Variants in CPSF1 observed in about 807,000 individuals in gnomAD.
CPSF1 encodes the protein cleavage and polyadenylation specific factor 1.
Under a neutral mutation model 175.8 loss-of-function variants are expected in CPSF1, and 106 were observed. The observed-to-expected ratio is 0.60, with a 90% CI of 0.52 to 0.71. CPSF1 has a LOEUF of 0.71. Among genes scored for constraint, CPSF1 ranks in the 30% least tolerant of loss-of-function variants. The pLI, the probability that CPSF1 is intolerant of heterozygous loss-of-function variation, is 0.00. For missense variants in CPSF1, 1,734 were observed against 2,022.9 expected (o/e 0.86, Z 2.74); for synonymous variants, 1,024 against 858.3 (o/e 1.19, Z -3.37).
chr8:144,394,571 A>T lies in CPSF1; in HGVS notation c.3568-16T>A. On this transcript the variant is annotated splice_polypyrimidine_tract_variant and intron_variant, in intron 31 of 37. Coordinates refer to ENST00000616140, the MANE Select transcript of CPSF1 (RefSeq NM_013291.3). ...ACAGGAAAATCTGGGGGCGAGGGCG[A>T]GGGTGAGCGGGCGCGGACGGGGAGC... 6.2e-7 allele frequency: 1 copy of T among 1,606,708 alleles called. No individual in the cohort carries two copies. The highest frequency in any genetic ancestry group is 8.5e-7 in the Non-Finnish European group (1 of 1,177,020).
chr8:144,397,431 G>C lies in CPSF1; in HGVS notation c.2386-18C>G. The C allele has an allele frequency of 2.5e-6, 4 of 1,578,068 alleles. No homozygotes were observed. The highest frequency in any genetic ancestry group is 3.4e-6 in the Non-Finnish European group (4 of 1,161,642). The stretch of plus-strand genomic sequence containing the variant: ...TGGTAGATCTGCAGGGTGGGCAGCA[G>C]TCAGTGGAGGCAGGTGGGTGGAACC... On this transcript the variant is annotated intron_variant, in intron 22 of 37. Coordinates refer to ENST00000616140, the MANE Select transcript of CPSF1 (RefSeq NM_013291.3).
chr8:144,403,981 G>A (rs2116896588), intron 2 of CPSF1, among the ~76,000 whole-genome samples: 4 of 151,752 alleles, frequency 2.6e-5, no homozygotes, highest in South Asian at 2.1e-4. Context: ...TTGGGAGGCC[G>A]AGGTGGGTGG....
rs1554863058 is a variant in CPSF1 at position 144,394,871 on chromosome 8, T to C, written c.3414+11A>G. 2 of 1,611,866 alleles carry C rather than the reference T, an allele frequency of 1.2e-6. No homozygotes were observed. The highest frequency in any genetic ancestry group is 1.7e-5 in the Admixed American group (1 of 59,946). On this transcript the variant is annotated intron_variant, in intron 30 of 37. Transcript: ENST00000616140. ...GCTGCCAGTTCCCGCCCCCGCTCAC[T>C]GGCCCCTTACCCGCCCTCGGCACGT...
rs1820866285 is a variant in CPSF1 at position 144,397,800 on chromosome 8, C to CG, written c.2152dup (p.Arg718ProfsTer2). On this transcript the variant is annotated frameshift_variant, in exon 21 of 38. Coordinates refer to ENST00000616140, the MANE Select transcript of CPSF1 (RefSeq NM_013291.3). LOFTEE classifies it high-confidence loss of function. ...GCCACTGCGGCCCCCGAGCTCGTCA[C>CG]GGGCCCCACCCAGGCGGCTCTCAGT... 1.2e-5 allele frequency: 19 copies of CG among 1,610,882 alleles called. No homozygotes were observed. The highest frequency in any genetic ancestry group is 1.6e-5 in the Non-Finnish European group (19 of 1,179,178).
At position 144,400,014 on chromosome 8, in the gene CPSF1, T is replaced by C. The variant is rs1364370912; in HGVS notation, c.1009A>G (p.Ile337Val). 1.1e-5 allele frequency: 18 copies of C among 1,611,810 alleles called. No homozygotes were observed. The highest frequency in any genetic ancestry group is 1.5e-5 in the Non-Finnish European group (18 of 1,179,808). The stretch of plus-strand genomic sequence containing the variant: ...CACATCTCGCCGCCCTTGAGGGAGA[T>C]GACCATCTTGTCGTAGGAGATGAAG... The part of the protein sequence containing the change: ...ATFISYDKMV[I>V]SLKGGEIYVL... Residue 337 changes from isoleucine to valine, a missense_variant, in exon 10 of 38, where the codon ATC (isoleucine) becomes GTC (valine). This residue lies in a region of CPSF1 where 162 missense variants were observed against 169.5 expected (regional missense o/e 0.96). Coordinates refer to ENST00000616140, the MANE Select transcript of CPSF1 (RefSeq NM_013291.3).
intron 2 of CPSF1, among the ~76,000 whole-genome samples, chr8:144,408,175 T>C (rs1401873254): frequency 6.6e-6 from 1 of 152,134 alleles, no homozygotes; most frequent in African/African-American, 2.4e-5. Context: ...AGAATAGTCC[T>C]GACCACGGCC....
In CPSF1 at chr8:144,399,573, GC is replaced by G. The variant is rs2116864247; in HGVS notation, c.1242+14del. ...CACATGAAGGGTGGTGGCCCAATGG[GC>G]CCAGGAAACCCACCTTGTCGGCAGC... is the stretch of plus-strand genomic sequence containing the variant. On this transcript the variant is annotated intron_variant, in intron 12 of 37. Coordinates refer to ENST00000616140, the MANE Select transcript of CPSF1 (RefSeq NM_013291.3). The surrounding 1 kb of genome is among the most constrained non-coding windows in gnomAD (Gnocchi z 6.4). 1 of 1,610,762 alleles carries G rather than the reference GC, an allele frequency of 6.2e-7. No individual in the cohort carries two copies. Among genetic ancestry groups the G allele is most frequent in the Non-Finnish European group, 8.5e-7 (1 of 1,178,680 alleles).
chr8:144,399,448 T>G lies in CPSF1; in HGVS notation c.1294+4A>C. 6.2e-7 allele frequency: 1 copy of G among 1,612,876 alleles called. No individual in the cohort carries two copies. The highest frequency in any genetic ancestry group is 8.5e-7 in the Non-Finnish European group (1 of 1,179,928). ...CTCCTGACCAGCCCTGGACCGGCCC[T>G]CACCTGACCAGCCGGCCGTCGCATC... On this transcript the variant is annotated splice_donor_region_variant and intron_variant, in intron 13 of 37. Coordinates refer to ENST00000616140, the MANE Select transcript of CPSF1 (RefSeq NM_013291.3). The surrounding 1 kb of genome is among the most constrained non-coding windows in gnomAD (Gnocchi z 6.4).
In CPSF1 at chr8:144,398,560, C is replaced by T. The variant is rs2116852216; in HGVS notation, c.1717G>A (p.Gly573Arg). 18 of 1,613,794 alleles carry T rather than the reference C, an allele frequency of 1.1e-5. No individual in the cohort carries two copies. Among genetic ancestry groups the T allele is most frequent in the African/African-American group, 2.7e-5 (2 of 74,910 alleles). ...TCTTCCCGGCTCAGAATCAGGAATC[C>T]GTGTCTGCGGCCGTCGTCGTCTGCT... ...PEADDDGRRH[G>R]FLILSREDST... The change falls in exon 18 of 38, where the codon GGA (glycine) becomes AGA (arginine). Residue 573 changes from glycine to arginine, a missense_variant. This residue lies in a region of CPSF1 where 280 missense variants were observed against 349.2 expected (regional missense o/e 0.80). Coordinates refer to ENST00000616140, the MANE Select transcript of CPSF1 (RefSeq NM_013291.3).
Position 144,398,302 on chromosome 8 carries a change from C to G in CPSF1, c.1894G>C (p.Val632Leu). The part of the protein sequence containing the change: ...SPLGIRLLEG[V>L]NQLHFIPVDL... ...GGGCCCAACCACCCCCCCCACCTACCTCCTTCCAGCAGGCGGATGCCCAGT... is the reference window on the plus strand; with the variant it reads ...GGGCCCAACCACCCCCCCCACCTACGTCCTTCCAGCAGGCGGATGCCCAGT... Residue 632 changes from valine to leucine, a missense_variant and splice_region_variant, in exon 19 of 38, where the codon GTG becomes CTG. Val to Leu is a conservative substitution (Grantham distance 32). Around this residue, in one of 10 missense-constraint regions of CPSF1, gnomAD observed 280 missense variants for 349.2 expected, o/e 0.80. Transcript: ENST00000616140. The G allele has an allele frequency of 6.7e-7, 1 of 1,487,792 alleles. No individual in the cohort carries two copies. Among genetic ancestry groups the G allele is most frequent in the African/African-American group, 1.5e-5 (1 of 67,516 alleles). The allele number at this position is 1,487,792 out of a possible 1,614,324, so 92.2% of individuals were successfully genotyped here.
rs2116879065 is a variant in CPSF1 at position 144,400,852 on chromosome 8, G to C, written c.540-35C>G. 22 of 1,610,204 alleles carry C rather than the reference G, an allele frequency of 1.4e-5. No homozygotes were observed. In the South Asian group the frequency reaches 2.2e-4, roughly 16 times the overall value. ...CAGGGGCTTCAGCAGGAGAGGAGGG[G>C]AGGCGGGGAGGGGAGCTCGGGCTCT... On this transcript the variant is annotated intron_variant, in intron 6 of 37. Coordinates refer to ENST00000616140, the MANE Select transcript of CPSF1 (RefSeq NM_013291.3).
rs1564682898 is a variant in CPSF1, at chr8:144,394,050, A to G, written c.3860-12T>C. On this transcript the variant is annotated splice_polypyrimidine_tract_variant and intron_variant, in intron 34 of 37. Coordinates refer to ENST00000616140, the MANE Select transcript of CPSF1 (RefSeq NM_013291.3). ...GAAACTCTCCTTGGCTAGACCAGAA[A>G]GGCCTAGGGGTCACTGCTAGCCCAG... The G allele has an allele frequency of 6.2e-7, 1 of 1,610,544 alleles. No individual in the cohort carries two copies. The highest frequency in any genetic ancestry group is 8.5e-7 in the Non-Finnish European group (1 of 1,177,920).
Position 144,399,112 on chromosome 8 carries a change from C to A in CPSF1, c.1467+16G>T, listed in dbSNP as rs2116859060. 464 of 1,553,554 alleles carry A rather than the reference C, an allele frequency of 3.0e-4. No homozygotes were observed. The highest frequency in any genetic ancestry group is 3.8e-4 in the Non-Finnish European group (431 of 1,149,208). ...CTCCAGCCCCTGCCCCCAGCCCCGACCCCAACCCTGGGCACCTCTTCAGAG... is the reference window on the plus strand; with the variant it reads ...CTCCAGCCCCTGCCCCCAGCCCCGAACCCAACCCTGGGCACCTCTTCAGAG... On this transcript the variant is annotated intron_variant, in intron 15 of 37. Transcript: ENST00000616140. This position sits in a 1 kb window ranked among gnomAD's most constrained non-coding sequence, Gnocchi z 6.4.
Position 144,398,301 on chromosome 8 carries a change from C to T in CPSF1, c.1894+1G>A, listed in dbSNP as rs1554864894. On this transcript the variant is annotated splice_donor_variant, in intron 19 of 37. Coordinates refer to ENST00000616140, the MANE Select transcript of CPSF1 (RefSeq NM_013291.3). LOFTEE classifies it high-confidence loss of function. ...AGGGCCCAACCACCCCCCCCACCTACCTCCTTCCAGCAGGCGGATGCCCAG... is the reference window on the plus strand; with the variant it reads ...AGGGCCCAACCACCCCCCCCACCTATCTCCTTCCAGCAGGCGGATGCCCAG... 1 of 1,594,930 alleles carries T rather than the reference C, an allele frequency of 6.3e-7. No homozygotes were observed. The highest frequency in any genetic ancestry group is 8.6e-7 in the Non-Finnish European group (1 of 1,169,240).
At position 144,394,940 on chromosome 8, in the gene CPSF1, C is replaced by G. The variant is rs1224655385; in HGVS notation, c.3356G>C (p.Gly1119Ala). Reference protein sequence around the residue: ...RSEETVSGLKGYVAAGTCLMQ... With the variant: ...RSEETVSGLKAYVAAGTCLMQ... ...GAGGCAGGTCCCGGCGGCCACGTAG[C>G]CTTTGAGGCCCGACACGGTCTCCTC... Residue 1119 changes from glycine (G) to alanine (A), a missense_variant, in exon 30 of 38, where the codon GGC becomes GCC. By Grantham distance (60) the Gly-to-Ala change is moderately conservative. Around this residue, in one of 10 missense-constraint regions of CPSF1, gnomAD observed 585 missense variants for 584.7 expected, o/e 1.00. Coordinates refer to ENST00000616140, the MANE Select transcript of CPSF1 (RefSeq NM_013291.3). 2 of 1,612,824 alleles carry G rather than the reference C, an allele frequency of 1.2e-6. No individual in the cohort carries two copies. Among genetic ancestry groups the G allele is most frequent in the Non-Finnish European group, 1.7e-6 (2 of 1,179,942 alleles).
chr8:144,400,135 G>GGGGGGGGGGCCCCCCCCCCCCCC, intron 9 of CPSF1, 31 bp downstream of exon 9: 1 of 896,006 alleles, frequency 1.1e-6, no homozygotes, highest in Non-Finnish European at 1.6e-6. Context: ...CCGTCCCCGG[G>GGGGGGGGGGCCCCCCCCCCCCCC]CCCCCCCCGC....
In CPSF1 at chr8:144,396,516, G is replaced by C. The variant is rs374536457; in HGVS notation, c.2827-16C>G. 1 of 1,611,644 alleles carries C rather than the reference G, an allele frequency of 6.2e-7. No homozygotes were observed. ...AGATGAAGACCTGGGGGCAGGCACCGTGAGGATGCTGTGGATGAGGATGCT... is the reference window on the plus strand; with the variant it reads ...AGATGAAGACCTGGGGGCAGGCACCCTGAGGATGCTGTGGATGAGGATGCT... On this transcript the variant is annotated splice_polypyrimidine_tract_variant and intron_variant, in intron 25 of 37. Transcript: ENST00000616140.
chr8:144,393,264 C>T lies in CPSF1; in HGVS notation c.*54G>A. ...AAAATGTTTTTCCTTGTGTTTTGTACAAAAAGGGGGTGGGAGGTAGTTCCG... is the reference window on the plus strand; with the variant it reads ...AAAATGTTTTTCCTTGTGTTTTGTATAAAAAGGGGGTGGGAGGTAGTTCCG... On this transcript the variant is annotated 3_prime_UTR_variant, in exon 38 of 38. Coordinates refer to ENST00000616140, the MANE Select transcript of CPSF1 (RefSeq NM_013291.3). 3 of 1,451,244 alleles carry T rather than the reference C, an allele frequency of 2.1e-6. No homozygotes were observed. The highest frequency in any genetic ancestry group is 9.2e-7 in the Non-Finnish European group (1 of 1,091,982). 89.9% of individuals were successfully genotyped at this position (1,451,244 alleles called of 1,614,324 possible).
chr8:144,402,838 A>C (rs1006661087), intron 2 of CPSF1, among the ~76,000 whole-genome samples: 1 of 152,172 alleles, frequency 6.6e-6, no homozygotes, highest in Admixed American at 6.5e-5. Context: ...AACAGCCCAC[A>C]GACAGGTGGG....
Sources: allele counts gnomAD v4.1 joint callset (sites outside exome capture counted in the v4.1 genomes callset), GRCh38; gene constraint gnomAD v4.1.1; regional missense constraint gnomAD v4.1.1; non-coding constraint Gnocchi (gnomAD v3.1); transcripts MANE v1.5; gene names NCBI Gene and HGNC (gene_info 2026-07-23, HGNC 2026-07-21).